Variants in MRRF observed in about 807,000 individuals in gnomAD.
The protein encoded by MRRF is ribosome-recycling factor, mitochondrial.
Under a neutral mutation model 25.1 loss-of-function variants are expected in MRRF, and 18 were observed. The ratio of observed to expected loss-of-function variants is 0.72; its 90% confidence interval spans 0.50 to 1.06. The LOEUF (loss-of-function observed/expected upper bound fraction) is 1.06, where lower values mean the gene tolerates loss of function less well. Among genes scored for constraint, MRRF ranks in the 50% least tolerant of loss-of-function variants. MRRF has a pLI of 0.00. For missense variants in MRRF, 323 were observed against 319.3 expected (o/e 1.01, Z -0.09); for synonymous variants, 113 against 112.1 (o/e 1.01, Z -0.05).
At chr9:122,293,371 A>C (rs1833892789) in intron 5 of MRRF, among the ~76,000 whole-genome samples, 1 of 152,154 alleles carries the variant, frequency 6.6e-6, no homozygotes, top group Admixed American at 6.5e-5. Flanking sequence ...TTGAAGCCAC[A>C]CAGCTTGTGC....
At chr9:122,272,762 TATTA>T (rs1360405045) in intron 2 of MRRF, among the ~76,000 whole-genome samples, 4 of 152,226 alleles carry the variant, frequency 2.6e-5, no homozygotes, top group Non-Finnish European at 5.9e-5. Flanking sequence ...TTTAGTCCTT[TATTA>T]ATTGTGTCTT....
intron 5 of MRRF, among the ~76,000 whole-genome samples, chr9:122,301,295 C>T (rs1834439001): frequency 6.6e-6 from 1 of 152,176 alleles, no homozygotes; most frequent in Admixed American, 6.5e-5. Flanking sequence ...CCAGGGAGAG[C>T]AAGCTGGGTA....
chr9:122,299,145 T>C (rs13283673), intron 5 of MRRF, among the ~76,000 whole-genome samples: 28,454 of 150,112 alleles, frequency 0.19, 3,203 homozygotes, highest in African/African-American at 0.32. Context: ...AATCCCAGCA[T>C]TTTGAGAGGC....
chr9:122,312,423 A>T (rs968532904), intron 5 of MRRF, among the ~76,000 whole-genome samples: 3 of 152,096 alleles, frequency 2.0e-5, no homozygotes, highest in Non-Finnish European at 4.4e-5. Context: ...AAATTCTTTA[A>T]TTTTTTTTCT....
At chr9:122,295,262 C>A (rs528023284) in intron 5 of MRRF, among the ~76,000 whole-genome samples, 1 of 152,242 alleles carries the variant, frequency 6.6e-6, no homozygotes, top group African/African-American at 2.4e-5. Flanking sequence ...CATCCCCTTT[C>A]ACAAATAGGA....
intron 2 of MRRF, among the ~76,000 whole-genome samples, chr9:122,273,929 A>G (rs1056812338): frequency 8.5e-5 from 13 of 152,152 alleles, no homozygotes; most frequent in Non-Finnish European, 1.8e-4. Flanking sequence ...TATCCATCCT[A>G]CAGTTAACAG....
chr9:122,271,592 A>G (rs1286936692), intron 2 of MRRF, among the ~76,000 whole-genome samples: 5 of 152,208 alleles, frequency 3.3e-5, no homozygotes, highest in African/African-American at 4.8e-5. Flanking sequence ...CTCTTAGACT[A>G]GGTCAAGTCC....
At chr9:122,267,215 C>A (rs1369194692) in intron 1 of MRRF, among the ~76,000 whole-genome samples, 1 of 151,810 alleles carries the variant, frequency 6.6e-6, no homozygotes, top group Non-Finnish European at 1.5e-5. Flanking sequence ...CCCATCTCTA[C>A]TTAAAATATA....
At chr9:122,311,461 T>G (rs1043012893) in intron 5 of MRRF, among the ~76,000 whole-genome samples, 10 of 152,240 alleles carry the variant, frequency 6.6e-5, no homozygotes, top group African/African-American at 2.4e-4. Context: ...TGGACACGAT[T>G]ACATGTGGAA....
intron 2 of MRRF, among the ~76,000 whole-genome samples, chr9:122,277,365 G>A (rs1832838093): frequency 6.6e-6 from 1 of 151,928 alleles, no homozygotes; most frequent in South Asian, 2.1e-4. Flanking sequence ...TGTTTGCCAG[G>A]CTTATAATTT....
Position 122,313,236 on chromosome 9 carries a change from A to G in MRRF, c.561A>G (p.Arg187=). The G allele has an allele frequency of 6.2e-7, 1 of 1,614,078 alleles. No individual in the cohort carries two copies. The highest frequency in any genetic ancestry group is 1.1e-5 in the South Asian group (1 of 91,078). The change falls in exon 6 of 7, where the codon AGA becomes AGG. Residue 187 remains arginine (R), a synonymous_variant. Coordinates refer to ENST00000344641, the MANE Select transcript of MRRF (RefSeq NM_138777.5). ...TTTTGTCTTTTATCAGAGTAACCAG[A>G]GAGCACAGAGAAATGCTGGTGAAAC... ...LIRVPIPQVT[R]EHREMLVKLA... is the part of the protein sequence containing the mutation.
intron 2 of MRRF, among the ~76,000 whole-genome samples, chr9:122,278,497 C>G (rs1314546857): frequency 1.3e-5 from 2 of 151,520 alleles, no homozygotes; most frequent in African/African-American, 2.4e-5. Flanking sequence ...GTTTTGTTTT[C>G]TTGTGTCTGG....
In MRRF at chr9:122,324,931, G is replaced by A. The variant is rs1836082569; in HGVS notation, c.*2314G>A. ...TGATCAGAAGTCAGCTGGGGGAAGA[G>A]CAGGGATAGATAGAGCAATTAAGGA... On this transcript the variant is annotated 3_prime_UTR_variant, in exon 7 of 7. Transcript: ENST00000344641. The A allele has an allele frequency of 6.6e-6, 1 of 152,258 alleles. No individual in the cohort carries two copies. The highest frequency in any genetic ancestry group is 1.5e-5 in the Non-Finnish European group (1 of 68,070). The allele number at this position is 152,258 out of a possible 1,614,324, so 9.4% of individuals were successfully genotyped here. A position where few individuals can be genotyped will look rare whatever the true frequency, so the allele number is the denominator to read the frequency against.
At chr9:122,280,634 A>G (rs1231127133) in intron 3 of MRRF, 36 bp downstream of exon 3, 2 of 1,605,088 alleles carry the variant, frequency 1.2e-6, no homozygotes, top group Non-Finnish European at 1.7e-6. Flanking sequence ...GGAGGGATGT[A>G]ATGGAAAGAG....
chr9:122,275,677 C>G (rs1055444243), intron 2 of MRRF, among the ~76,000 whole-genome samples: 2 of 152,090 alleles, frequency 1.3e-5, no homozygotes, highest in African/African-American at 4.8e-5. Flanking sequence ...ATTCTGCATA[C>G]AAGTATAATC....
intron 2 of MRRF, among the ~76,000 whole-genome samples, chr9:122,274,650 AGTTATAT>A (rs1010437452): frequency 6.6e-6 from 1 of 151,394 alleles, no homozygotes; most frequent in African/African-American, 2.4e-5. Context: ...TGATTTAGTA[AGTTATAT>A]ATTTTAGGAA....
chr9:122,280,512 T>A lies in MRRF; in HGVS notation c.254T>A (p.Leu85Ter), dbSNP rs1478130959. The change falls in exon 3 of 7, where the codon TTG becomes TAG. Residue 85 changes from leucine (L) to a stop codon, truncating the protein, a stop_gained. Coordinates refer to ENST00000344641, the MANE Select transcript of MRRF (RefSeq NM_138777.5). LOFTEE classifies it high-confidence loss of function. ...GCCTTGGTTGAGGATATAATCAACT[T>A]GGAAGAGGTGAATGAAGAAATGAAG... ...NAALVEDIINLEEVNEEMKSV... is the reference protein window; with the variant it reads ...NAALVEDIIN 2 of 1,613,864 alleles carry A rather than the reference T, an allele frequency of 1.2e-6. No homozygotes were observed. Among genetic ancestry groups the A allele is most frequent in the Non-Finnish European group, 1.7e-6 (2 of 1,179,748 alleles).
chr9:122,265,601 A>T (rs1489698059), intron 1 of MRRF: 1 of 406,210 alleles, frequency 2.5e-6, no homozygotes, highest in African/African-American at 2.1e-5. Flanking sequence ...CCCATTTTGG[A>T]AAGCTTTATA....
chr9:122,301,550 G>A (rs548820693), intron 5 of MRRF, among the ~76,000 whole-genome samples: 1 of 152,328 alleles, frequency 6.6e-6, no homozygotes, highest in East Asian at 1.9e-4. Flanking sequence ...AGAAGCTCCT[G>A]TGAAGGATAG....
Sources: gnomAD v4.1 joint callset for allele counts (sites outside exome capture counted in the v4.1 genomes callset) on GRCh38, gnomAD v4.1.1 for gene constraint, MANE v1.5 for transcripts, NCBI Gene and HGNC (gene_info 2026-07-23, HGNC 2026-07-21) for gene names.